FNDC3A: variants seen among roughly 807,000 people sequenced by gnomAD.
The protein encoded by FNDC3A is fibronectin type III domain containing 3A.
FNDC3A carries 32 observed loss-of-function variants against 148.9 expected under a neutral mutation model. The ratio of observed to expected loss-of-function variants is 0.21; its 90% CI spans 0.16 to 0.29. The LOEUF is 0.29. Ranked by LOEUF, FNDC3A falls within the 10% of genes least tolerant of loss-of-function variation. FNDC3A has a pLI of 1.00. For missense variants in FNDC3A, 1,191 were observed against 1,452.8 expected (o/e 0.82, Z 2.93); for synonymous variants, 472 against 473.6 (o/e 1.00, Z 0.04).
intron 4 of FNDC3A, among the ~76,000 whole-genome samples, chr13:49,115,902 A>G (rs192477434): frequency 6.6e-6 from 1 of 152,292 alleles, no homozygotes; most frequent in African/African-American, 2.4e-5. Flanking sequence ...TACCACTGAT[A>G]AGATTTACTA....
At chr13:49,083,985 G>A (rs1349285836) in intron 3 of FNDC3A, among the ~76,000 whole-genome samples, 4 of 152,230 alleles carry the variant, frequency 2.6e-5, no homozygotes, top group Admixed American at 2.0e-4. Context: ...GAATGAGCGT[G>A]TTAAATTTAA....
chr13:48,982,358 T>A (rs1195317991), intron 1 of FNDC3A, among the ~76,000 whole-genome samples: 1 of 152,126 alleles, frequency 6.6e-6, no homozygotes, highest in African/African-American at 2.4e-5. Flanking sequence ...CTAAAAAAAA[T>A]TTTTAGCATA....
intron 2 of FNDC3A, among the ~76,000 whole-genome samples, chr13:49,069,308 T>C (rs572480641): frequency 6.6e-6 from 1 of 152,324 alleles, no homozygotes; most frequent in East Asian, 1.9e-4. Flanking sequence ...TAATCCTCTG[T>C]GGCACTACCC....
chr13:49,127,607 A>G (rs896976504), intron 4 of FNDC3A, among the ~76,000 whole-genome samples: 3 of 152,176 alleles, frequency 2.0e-5, no homozygotes, highest in African/African-American at 7.2e-5. Flanking sequence ...ACACTGTCTT[A>G]GTTTTCCTTC....
rs958029707 is a variant in FNDC3A, at chr13:49,157,513, T to A, written c.978-9731T>A. 1.4e-3 allele frequency among the ~76,000 whole-genome samples: 213 copies of A among 149,412 alleles called. 1 individual carries two copies. The highest frequency in any genetic ancestry group is 5.0e-3 in the African/African-American group (203 of 41,004). Reference sequence around the variant, plus strand: ...AATTTGATCGTCTGAAGCCTTCTTCTCTCAGCTCGTCAAAGTCATTCTCCA... The same window carrying A: ...AATTTGATCGTCTGAAGCCTTCTTCACTCAGCTCGTCAAAGTCATTCTCCA... On this transcript the variant is annotated intron_variant, in intron 8 of 25. Coordinates refer to ENST00000492622, the MANE Select transcript of FNDC3A (RefSeq NM_001079673.2).
chr13:49,075,901 T>A (rs1375061860), intron 3 of FNDC3A, among the ~76,000 whole-genome samples: 1 of 149,470 alleles, frequency 6.7e-6, no homozygotes, highest in African/African-American at 2.5e-5. Context: ...AAGTCTTTGT[T>A]TAGTGAGCAT....
intron 8 of FNDC3A, among the ~76,000 whole-genome samples, chr13:49,150,943 C>CAAA (rs35888648): frequency 2.1e-4 from 23 of 107,126 alleles, no homozygotes; most frequent in African/African-American, 7.4e-4. Context: ...GACTCCGTCT[C>CAAA]AAAAAAAAAA....
intron 2 of FNDC3A, among the ~76,000 whole-genome samples, chr13:49,030,598 T>C (rs1482993012): frequency 2.6e-5 from 4 of 152,164 alleles, no homozygotes; most frequent in Non-Finnish European, 4.4e-5. Context: ...AACATGATCT[T>C]GTAAAAAGAA....
intron 2 of FNDC3A, among the ~76,000 whole-genome samples, chr13:49,007,197 A>G (rs1175734041): frequency 6.6e-6 from 1 of 152,126 alleles, no homozygotes; most frequent in Non-Finnish European, 1.5e-5. Context: ...TTATAAACTT[A>G]GTATCTATAG....
intron 2 of FNDC3A, among the ~76,000 whole-genome samples, chr13:49,011,486 G>A (rs965545034): frequency 7.2e-5 from 11 of 152,058 alleles, no homozygotes; most frequent in African/African-American, 1.9e-4. Context: ...CACCCACCTC[G>A]GTCCCCCAAA....
At chr13:49,157,575 C>A (rs1236260013) in intron 8 of FNDC3A, among the ~76,000 whole-genome samples, 2 of 149,954 alleles carry the variant, frequency 1.3e-5, no homozygotes, top group Non-Finnish European at 3.0e-5. Context: ...GAACTGCGTT[C>A]CTTTGGAGGA....
intron 2 of FNDC3A, among the ~76,000 whole-genome samples, chr13:49,050,550 T>C (rs1436865952): frequency 6.6e-6 from 1 of 152,246 alleles, no homozygotes; most frequent in Non-Finnish European, 1.5e-5. Flanking sequence ...GAAACTTGTT[T>C]TGTGTCCTAT....
At chr13:48,992,444 A>G (rs1164568321) in intron 1 of FNDC3A, among the ~76,000 whole-genome samples, 2 of 152,230 alleles carry the variant, frequency 1.3e-5, no homozygotes, top group Non-Finnish European at 2.9e-5. Flanking sequence ...AAAACTAAAT[A>G]ATAAGAAAAC....
chr13:49,086,892 A>G (rs1217104407), intron 3 of FNDC3A, among the ~76,000 whole-genome samples: 1 of 152,160 alleles, frequency 6.6e-6, no homozygotes, highest in Non-Finnish European at 1.5e-5. Flanking sequence ...GTAAAAATGA[A>G]TTATAACAGA....
chr13:49,037,682 G>A (rs1003620923), intron 2 of FNDC3A, among the ~76,000 whole-genome samples: 1 of 152,132 alleles, frequency 6.6e-6, no homozygotes, highest in South Asian at 2.1e-4. Flanking sequence ...GAGTTCCCTG[G>A]CCTCACCCCC....
chr13:49,129,261 G>A (rs1881886904), intron 4 of FNDC3A, among the ~76,000 whole-genome samples: 1 of 152,212 alleles, frequency 6.6e-6, no homozygotes, highest in African/African-American at 2.4e-5. Flanking sequence ...ATAAATAAAA[G>A]TACAGGGTAT....
chr13:49,102,833 A>C (rs1055740311), intron 3 of FNDC3A, among the ~76,000 whole-genome samples: 1 of 152,232 alleles, frequency 6.6e-6, no homozygotes, highest in Non-Finnish European at 1.5e-5. Flanking sequence ...TAGCAAACTT[A>C]AAAATGTACC....
At chr13:49,160,779 A>G (rs1279735881) in intron 8 of FNDC3A, among the ~76,000 whole-genome samples, 1 of 151,206 alleles carries the variant, frequency 6.6e-6, no homozygotes, top group African/African-American at 2.4e-5. Flanking sequence ...TTCCCTCTAC[A>G]CACTGCTTTG....
At chr13:49,089,633 CA>C (rs1354331168) in intron 3 of FNDC3A, among the ~76,000 whole-genome samples, 1 of 152,182 alleles carries the variant, frequency 6.6e-6, no homozygotes, top group Non-Finnish European at 1.5e-5. Context: ...CCTGGCTACC[CA>C]CCAGAAATGG....
Sources: allele counts gnomAD v4.1 joint callset (sites outside exome capture counted in the v4.1 genomes callset), GRCh38; gene constraint gnomAD v4.1.1; transcripts MANE v1.5; gene names NCBI Gene and HGNC (gene_info 2026-07-23, HGNC 2026-07-21).